Variants in EMB observed in about 807,000 individuals in gnomAD.
The protein encoded by EMB is embigin homolog.
Under a neutral mutation model 41.4 loss-of-function variants are expected in EMB, and 31 were observed. That is an observed-to-expected ratio of 0.75 (90% CI 0.56 to 1.01). The LOEUF (loss-of-function observed/expected upper bound fraction) is 1.01. EMB is among the 50% of genes least tolerant of loss of function. EMB has a pLI of 0.00. For missense variants in EMB, 379 were observed against 388.3 expected, an observed-to-expected ratio of 0.98 and a Z score of 0.20; for synonymous variants, 137 against 140.4, an observed-to-expected ratio of 0.98 and a Z score of 0.17.
chr5:50,407,890 C>T (rs1745273933), intron 4 of EMB, among the ~76,000 whole-genome samples: 1 of 151,910 alleles, frequency 6.6e-6, no homozygotes, highest in Non-Finnish European at 1.5e-5. Context: ...AAAGTAACAG[C>T]TCTCTGGAGT....
chr5:50,436,781 C>T (rs1490895333), intron 1 of EMB, among the ~76,000 whole-genome samples: 2 of 152,178 alleles, frequency 1.3e-5, no homozygotes, highest in East Asian at 3.9e-4. Context: ...GTGAGGATGT[C>T]TCCTTGCTCT....
Position 50,429,075 on chromosome 5 carries a change from T to C in EMB, c.113-848A>G, listed in dbSNP as rs181226213. Among the ~76,000 whole-genome samples the C allele has an allele frequency of 4.8e-3, 735 of 152,144 alleles. 5 individuals carry two copies. Among genetic ancestry groups the C allele is most frequent in the Admixed American group, 9.7e-3 (148 of 15,282 alleles). Reference sequence around the variant, plus strand: ...CACGCCCAGCTAATTTTTGTGTTTTTAGTAGAGATGGGGTTTCACCATGTT... The same window carrying C: ...CACGCCCAGCTAATTTTTGTGTTTTCAGTAGAGATGGGGTTTCACCATGTT... On this transcript the variant is annotated intron_variant, in intron 1 of 8. Coordinates refer to ENST00000303221, the MANE Select transcript of EMB (RefSeq NM_198449.3).
At chr5:50,423,964 T>C (rs1354442080) in intron 2 of EMB, among the ~76,000 whole-genome samples, 2 of 152,232 alleles carry the variant, frequency 1.3e-5, no homozygotes, top group Admixed American at 6.5e-5. Flanking sequence ...TTTTCTTCCC[T>C]AAATCAAACC....
chr5:50,432,503 T>C (rs943508901), intron 1 of EMB, among the ~76,000 whole-genome samples: 3 of 152,110 alleles, frequency 2.0e-5, no homozygotes, highest in African/African-American at 7.2e-5. Flanking sequence ...TATATAACCA[T>C]GTGATCCCAT....
At chr5:50,412,910 AGAAATCTGGGATTTCTGG>A (rs1745366266) in intron 2 of EMB, among the ~76,000 whole-genome samples, 2 of 135,752 alleles carry the variant, frequency 1.5e-5, no homozygotes, top group African/African-American at 2.8e-5. Context: ...CCAGTATCCC[AGAAATCTGGGATTTCTGG>A]GATACTGGTG....
At chr5:50,399,433 G>A in intron 8 of EMB, 143 bp from the exon 9 acceptor site, 1 of 1,225,534 alleles carries the variant, frequency 8.2e-7, no homozygotes, top group Non-Finnish European at 1.1e-6. Flanking sequence ...CTCTAATGTT[G>A]ATGAACTAAA....
At chr5:50,438,215 T>TAATTACTTGGGCAATTAAGC (rs1205883554) in intron 1 of EMB, among the ~76,000 whole-genome samples, 1 of 152,228 alleles carries the variant, frequency 6.6e-6, no homozygotes, top group Non-Finnish European at 1.5e-5. Flanking sequence ...TAAGTATGTG[T>TAATTACTTGGGCAATTAAGC]AATTACTTGG....
At chr5:50,417,608 T>C (rs906436835) in intron 2 of EMB, among the ~76,000 whole-genome samples, 4 of 152,244 alleles carry the variant, frequency 2.6e-5, no homozygotes, top group Non-Finnish European at 5.9e-5. Flanking sequence ...CCTGAAATTA[T>C]ATAAACCCAA....
At chr5:50,423,983 T>C (rs1294713575) in intron 2 of EMB, among the ~76,000 whole-genome samples, 2 of 152,206 alleles carry the variant, frequency 1.3e-5, no homozygotes, top group African/African-American at 4.8e-5. Context: ...CCTTTCCCTA[T>C]ATTTACAGCC....
chr5:50,427,745 T>C (rs1237329167), intron 2 of EMB, among the ~76,000 whole-genome samples: 7 of 152,154 alleles, frequency 4.6e-5, no homozygotes, highest in African/African-American at 1.4e-4. Flanking sequence ...CTTAGCACAG[T>C]GACTCATTTG....
At chr5:50,435,431 T>C (rs1745788452) in intron 1 of EMB, among the ~76,000 whole-genome samples, 1 of 152,186 alleles carries the variant, frequency 6.6e-6, no homozygotes, top group Non-Finnish European at 1.5e-5. Flanking sequence ...CCGTTGGCTA[T>C]CACTTCTCTC....
At position 50,411,425 on chromosome 5, in the gene EMB, G is replaced by C. The variant is rs368205118; in HGVS notation, c.197-42C>G. ...GGACAAAATGTGAAAGTTATATTCA[G>C]AGGAATCTAACACATAAAACCTTTT... is the stretch of plus-strand genomic sequence containing the variant. On this transcript the variant is annotated intron_variant, in intron 2 of 8. Transcript: ENST00000303221. 7 of 1,393,456 alleles carry C rather than the reference G, an allele frequency of 5.0e-6. No individual in the cohort carries two copies. In the East Asian group the frequency reaches 1.4e-4, roughly 29 times the overall value. 86.3% of individuals were successfully genotyped at this position (1,393,456 alleles called of 1,614,324 possible).
intron 1 of EMB, among the ~76,000 whole-genome samples, chr5:50,440,625 A>T (rs1745888080): frequency 6.6e-6 from 1 of 151,930 alleles, no homozygotes; most frequent in Admixed American, 6.5e-5. Context: ...TTACTCTCGA[A>T]TCAAGAAAAG....
At chr5:50,408,301 C>A (rs1745280093) in intron 4 of EMB, among the ~76,000 whole-genome samples, 1 of 151,880 alleles carries the variant, frequency 6.6e-6, no homozygotes. Flanking sequence ...AATATTTGAT[C>A]CACTACTGAG....
intron 6 of EMB, 110 bp downstream of exon 6, chr5:50,403,068 A>T: frequency 9.7e-7 from 1 of 1,028,422 alleles, no homozygotes; most frequent in Non-Finnish European, 1.4e-6. Flanking sequence ...CAAAAATCCT[A>T]AAGTCATTGC....
intron 7 of EMB, among the ~76,000 whole-genome samples, chr5:50,400,853 C>A (rs1745149985): frequency 6.6e-6 from 1 of 151,964 alleles, no homozygotes; most frequent in Non-Finnish European, 1.5e-5. Flanking sequence ...ATGGTCCATT[C>A]CACACTGTTC....
At chr5:50,429,322 T>C (rs1745675974) in intron 1 of EMB, among the ~76,000 whole-genome samples, 1 of 152,254 alleles carries the variant, frequency 6.6e-6, no homozygotes, top group Non-Finnish European at 1.5e-5. Context: ...GGCTGCATTA[T>C]TTAAATTAAA....
At chr5:50,433,134 T>C (rs978239779) in intron 1 of EMB, among the ~76,000 whole-genome samples, 20 of 152,074 alleles carry the variant, frequency 1.3e-4, no homozygotes, top group Admixed American at 1.1e-3. Context: ...TAAGTCAGAC[T>C]TTCTAAGTCA....
At chr5:50,431,528 T>C (rs542161078) in intron 1 of EMB, among the ~76,000 whole-genome samples, 10 of 152,320 alleles carry the variant, frequency 6.6e-5, no homozygotes, top group African/African-American at 2.4e-4. Flanking sequence ...ATCCAAATTC[T>C]GTCACTGACT....
Sources: allele counts gnomAD v4.1 joint callset (sites outside exome capture counted in the v4.1 genomes callset), GRCh38; gene constraint gnomAD v4.1.1; transcripts MANE v1.5; gene names NCBI Gene and HGNC (gene_info 2026-07-23, HGNC 2026-07-21).